Variants in PPFIBP2 observed in about 807,000 individuals in gnomAD.
The protein encoded by PPFIBP2 is PPFIB scaffold protein 2.
PPFIBP2 carries 118 observed loss-of-function variants against 118.3 expected under a neutral mutation model. That is an observed-to-expected ratio of 1.00 (90% confidence interval 0.86 to 1.16). The LOEUF (loss-of-function observed/expected upper bound fraction) is 1.16, where lower values mean the gene tolerates loss of function less well. Among genes scored for constraint, PPFIBP2 ranks in the 50% most tolerant of loss-of-function variants. The pLI is 0.00. For synonymous variants in PPFIBP2, 414 were observed against 397.4 expected (o/e 1.04, Z -0.50); for missense variants, 1,195 against 1,073.1 (o/e 1.11, Z -1.59).
chr11:7,521,756 C>A (rs1166226657), intron 1 of PPFIBP2, among the ~76,000 whole-genome samples: 14 of 152,156 alleles, frequency 9.2e-5, no homozygotes, highest in Admixed American at 9.2e-4. Context: ...GGGCCTTAAG[C>A]TGGCTGGCTT....
chr11:7,585,354 G>A (rs929878572), intron 3 of PPFIBP2, among the ~76,000 whole-genome samples: 1 of 152,190 alleles, frequency 6.6e-6, no homozygotes, highest in African/African-American at 2.4e-5. Flanking sequence ...GGAGCCGACT[G>A]TTTTAGGTTT....
chr11:7,623,525 T>G (rs1265289652), intron 7 of PPFIBP2, among the ~76,000 whole-genome samples: 2 of 152,180 alleles, frequency 1.3e-5, no homozygotes, highest in African/African-American at 4.8e-5. Context: ...CTGTGGAAAT[T>G]GGCACAAGGC....
chr11:7,659,001 T>G, downstream of PPFIBP2, among the ~76,000 whole-genome samples: 1 of 115,836 alleles, frequency 8.6e-6, no homozygotes, highest in Non-Finnish European at 1.9e-5. Context: ...GTTGTTTTTT[T>G]CTTGTAAATT....
Position 7,651,810 on chromosome 11 carries a change from C to G in PPFIBP2, c.2402C>G (p.Ala801Gly), listed in dbSNP as rs367762035. The G allele has an allele frequency of 6.2e-7, 1 of 1,613,758 alleles. No individual in the cohort carries two copies. Among genetic ancestry groups the G allele is most frequent in the Non-Finnish European group, 8.5e-7 (1 of 1,179,696 alleles). Residue 801 changes from alanine (A) to glycine (G), a missense_variant, in exon 23 of 24, where the codon GCT becomes GGT. Physicochemically the swap from Ala to Gly is moderately conservative, Grantham distance 60. Transcript: ENST00000299492. ...QEKREKMASP[A>G]YTPLTTTAKV... ...AAGCGAGAGAAAATGGCCTCACCAG[C>G]TTACACACCACTGACCACCACAGCC...
chr11:7,652,441 C>T (rs1854183792), intron 23 of PPFIBP2, among the ~76,000 whole-genome samples: 1 of 152,234 alleles, frequency 6.6e-6, no homozygotes, highest in Non-Finnish European at 1.5e-5. Context: ...CAACAGGCAA[C>T]CTCTGGAGGC....
intron 6 of PPFIBP2, among the ~76,000 whole-genome samples, chr11:7,611,153 T>TTG (rs1242082816): frequency 6.6e-6 from 1 of 152,246 alleles, no homozygotes; most frequent in African/African-American, 2.4e-5. Context: ...TAGAAACACC[T>TTG]CGCTCATTTA....
intron 6 of PPFIBP2, among the ~76,000 whole-genome samples, chr11:7,619,883 C>G (rs923051103): frequency 6.6e-6 from 1 of 152,198 alleles, no homozygotes; most frequent in Non-Finnish European, 1.5e-5. Context: ...ATGCAGCATC[C>G]ATGTGATGTT....
At chr11:7,594,277 G>GTT (rs368961147) in intron 4 of PPFIBP2, among the ~76,000 whole-genome samples, 49,173 of 151,122 alleles carry the variant, frequency 0.33, 8,296 homozygotes, top group East Asian at 0.44. Context: ...AGTGTTGTTG[G>GTT]TTTTTTTTCT....
intron 12 of PPFIBP2, 53 bp downstream of exon 12, chr11:7,632,987 G>A (rs1281949501): frequency 6.5e-7 from 1 of 1,531,388 alleles, no homozygotes. Context: ...GCTTGCCTTG[G>A]GGCTGCCGAA....
intron 2 of PPFIBP2, among the ~76,000 whole-genome samples, chr11:7,558,753 C>CGG (rs1554951948): frequency 7.5e-6 from 1 of 133,670 alleles, no homozygotes; most frequent in African/African-American, 2.6e-5. Flanking sequence ...AACTCTGTCT[C>CGG]AAAAAAAAAA....
At chr11:7,649,780 T>G (rs1853696126) in intron 21 of PPFIBP2, 126 bp downstream of exon 21, 2 of 1,384,698 alleles carry the variant, frequency 1.4e-6, no homozygotes, top group South Asian at 2.7e-5. Flanking sequence ...GGGATTCTTT[T>G]GTTTGCTTGT....
chr11:7,606,145 G>A, intron 5 of PPFIBP2: 1 of 1,107,690 alleles, frequency 9.0e-7, no homozygotes, highest in South Asian at 1.9e-5. Flanking sequence ...ATGGTCGGGG[G>A]GCAAAATACT....
At chr11:7,664,046 C>G in the PPFIBP2 span, among the ~76,000 whole-genome samples, 1 of 152,340 alleles carries the variant, frequency 6.6e-6, no homozygotes, top group African/African-American at 2.4e-5. Flanking sequence ...CACCCACTGT[C>G]TGGCACTCCC....
At chr11:7,538,290 A>T (rs956975857) in intron 1 of PPFIBP2, 3 of 152,436 alleles carry the variant, frequency 2.0e-5, no homozygotes, top group Middle Eastern at 3.4e-3. Flanking sequence ...TAGGAGGAGG[A>T]TGTCGCTGCT....
chr11:7,588,326 C>T (rs1452573388), intron 3 of PPFIBP2, among the ~76,000 whole-genome samples: 1 of 152,202 alleles, frequency 6.6e-6, no homozygotes, highest in Non-Finnish European at 1.5e-5. Context: ...CCTGGCTACT[C>T]ACAGTTCTCT....
At chr11:7,530,010 T>C (rs1015280830) in intron 1 of PPFIBP2, among the ~76,000 whole-genome samples, 1 of 152,234 alleles carries the variant, frequency 6.6e-6, no homozygotes, top group African/African-American at 2.4e-5. Flanking sequence ...TGCAAGAGAT[T>C]TGGCAACTTC....
At chr11:7,520,066 A>G (rs1438955745) in intron 1 of PPFIBP2, among the ~76,000 whole-genome samples, 5 of 152,160 alleles carry the variant, frequency 3.3e-5, no homozygotes, top group African/African-American at 4.8e-5. Flanking sequence ...TCGGCACCAG[A>G]TGAAAAGTTC....
chr11:7,533,123 T>A (rs985115777), intron 1 of PPFIBP2, among the ~76,000 whole-genome samples: 1 of 152,146 alleles, frequency 6.6e-6, no homozygotes, highest in Non-Finnish European at 1.5e-5. Context: ...AGTGACATCC[T>A]TTTTTCTCAT....
intron 7 of PPFIBP2, among the ~76,000 whole-genome samples, chr11:7,622,280 G>A (rs114912147): frequency 4.5e-4 from 68 of 152,312 alleles, no homozygotes; most frequent in African/African-American, 1.6e-3. Flanking sequence ...ACAGTTGCGA[G>A]GACAGCACCA....
Sources: allele counts gnomAD v4.1 joint callset (sites outside exome capture counted in the v4.1 genomes callset), GRCh38; gene constraint gnomAD v4.1.1; transcripts MANE v1.5; gene names NCBI Gene and HGNC (gene_info 2026-07-23, HGNC 2026-07-21).